GRM1: variants seen among roughly 807,000 people sequenced by gnomAD.
GRM1 encodes metabotropic glutamate receptor 1.
Under a neutral mutation model 90.9 loss-of-function variants are expected in GRM1, and 33 were observed. That is an observed-to-expected ratio of 0.36 (90% confidence interval 0.28 to 0.49). The LOEUF is 0.49. Among genes scored for constraint, GRM1 ranks in the 20% least tolerant of loss-of-function variants. The probability of loss-of-function intolerance (pLI) is 0.99; values close to 1 mark genes in which losing one functional copy is unlikely to be tolerated. For synonymous variants in GRM1, 700 were observed against 613.2 expected (o/e 1.14, Z -2.09); for missense variants, 1,190 against 1,534.3 (o/e 0.78, Z 3.75).
chr6:146,363,139 T>C (rs1463223368), intron 5 of GRM1, among the ~76,000 whole-genome samples: 1 of 152,172 alleles, frequency 6.6e-6, no homozygotes, highest in Non-Finnish European at 1.5e-5. Context: ...AATATCCTTC[T>C]TTAAAAAAAT....
chr6:146,237,209 G>A (rs912667197), intron 2 of GRM1, among the ~76,000 whole-genome samples: 1 of 151,964 alleles, frequency 6.6e-6, no homozygotes, highest in African/African-American at 2.4e-5. Flanking sequence ...ACTTAAAGGG[G>A]AAAGTTACAC....
chr6:146,329,256 C>G (rs1031302629), intron 3 of GRM1, among the ~76,000 whole-genome samples: 1 of 152,184 alleles, frequency 6.6e-6, no homozygotes, highest in East Asian at 1.9e-4. Flanking sequence ...TTGAGCATCC[C>G]TCAGAAGTTC....
chr6:146,382,273 A>G (rs1182488619), intron 5 of GRM1, among the ~76,000 whole-genome samples: 2 of 119,216 alleles, frequency 1.7e-5, no homozygotes, highest in Non-Finnish European at 3.6e-5. Flanking sequence ...TAAATTTGTC[A>G]CTTTGGGGGA....
intron 3 of GRM1, among the ~76,000 whole-genome samples, chr6:146,339,016 GT>G (rs1784875652): frequency 6.6e-6 from 1 of 152,146 alleles, no homozygotes; most frequent in African/African-American, 2.4e-5. Context: ...GACCCACAAA[GT>G]TTGACTGTAT....
In GRM1 at chr6:146,221,582, A is replaced by G. The variant is rs189583769; in HGVS notation, c.950+61985A>G. On this transcript the variant is annotated intron_variant, in intron 2 of 7. Coordinates refer to ENST00000282753, the MANE Select transcript of GRM1 (RefSeq NM_001278064.2). ...GGTGTATATGTACCACATTTTCTTT[A>G]TTCAGTCTATCATTGATGGGCATTT... is the stretch of plus-strand genomic sequence containing the variant. Among the ~76,000 whole-genome samples the G allele has an allele frequency of 1.8e-3, 274 of 152,162 alleles. 2 individuals carry two copies. Among genetic ancestry groups the G allele is most frequent in the African/African-American group, 6.0e-3 (251 of 41,516 alleles).
intron 2 of GRM1, among the ~76,000 whole-genome samples, chr6:146,180,752 A>C (rs1185742216): frequency 6.6e-6 from 1 of 151,892 alleles, no homozygotes; most frequent in South Asian, 2.1e-4. Flanking sequence ...CTCATGGTTT[A>C]CTCTTTCCAA....
intron 2 of GRM1, among the ~76,000 whole-genome samples, chr6:146,183,523 G>A (rs186640085): frequency 1.3e-5 from 2 of 152,214 alleles, no homozygotes; most frequent in East Asian, 3.9e-4. Flanking sequence ...AAGTAAAAAT[G>A]GTAGTTACTA....
At chr6:146,047,568 G>T (rs1476183561) in intron 1 of GRM1, among the ~76,000 whole-genome samples, 3 of 63,586 alleles carry the variant, frequency 4.7e-5, no homozygotes, top group Non-Finnish European at 9.0e-5. Context: ...TAGGTCACAT[G>T]CCTCAGGAAA....
At chr6:146,201,543 C>T (rs1779297263) in intron 2 of GRM1, among the ~76,000 whole-genome samples, 1 of 152,140 alleles carries the variant, frequency 6.6e-6, no homozygotes. Flanking sequence ...GATCATCTCT[C>T]TCATATCTCT....
intron 1 of GRM1, among the ~76,000 whole-genome samples, chr6:146,139,966 CCTTCCCTCCG>C (rs1223485980): frequency 0.088 from 9,452 of 106,900 alleles, 950 homozygotes; most frequent in African/African-American, 0.22. Flanking sequence ...CCTTCCCTTC[CCTTCCCTCCG>C]CTTCCCTCCG....
At chr6:146,374,549 G>A (rs947548598) in intron 5 of GRM1, among the ~76,000 whole-genome samples, 11 of 152,008 alleles carry the variant, frequency 7.2e-5, no homozygotes, top group African/African-American at 2.2e-4. Flanking sequence ...CTTGTTACTT[G>A]TTATTGTTCT....
intron 1 of GRM1, among the ~76,000 whole-genome samples, chr6:146,099,977 T>A (rs1317587073): frequency 6.6e-6 from 1 of 152,210 alleles, no homozygotes; most frequent in African/African-American, 2.4e-5. Context: ...AAATTTATAT[T>A]TCTACCAGCA....
chr6:146,129,982 A>G (rs1276243216), intron 1 of GRM1, among the ~76,000 whole-genome samples: 1 of 152,076 alleles, frequency 6.6e-6, no homozygotes, highest in Non-Finnish European at 1.5e-5. Flanking sequence ...TGGTGGTCAG[A>G]CTATAAAATT....
chr6:146,132,805 C>T (rs1776460771), intron 1 of GRM1, among the ~76,000 whole-genome samples: 1 of 152,230 alleles, frequency 6.6e-6, no homozygotes, highest in Non-Finnish European at 1.5e-5. Flanking sequence ...ACCCTGTACA[C>T]AGCTACAATC....
At chr6:146,433,378 C>T (rs1778480548) in intron 7 of GRM1, among the ~76,000 whole-genome samples, 1 of 152,180 alleles carries the variant, frequency 6.6e-6, no homozygotes, top group Admixed American at 6.5e-5. Context: ...CTGAGAGGAT[C>T]TATTTTATAA....
intron 6 of GRM1, among the ~76,000 whole-genome samples, chr6:146,395,487 A>G (rs1776894159): frequency 6.6e-6 from 1 of 152,132 alleles, no homozygotes; most frequent in Non-Finnish European, 1.5e-5. Flanking sequence ...TAAATGTTAC[A>G]CCACTGGGTT....
Position 146,434,500 on chromosome 6 carries a change from G to T in GRM1, c.3289G>T (p.Asp1097Tyr), listed in dbSNP as rs1778529200. 6.2e-7 allele frequency: 1 copy of T among 1,614,112 alleles called. No individual in the cohort carries two copies. Among genetic ancestry groups the T allele is most frequent in the South Asian group, 1.1e-5 (1 of 91,084 alleles). Residue 1097 changes from aspartate to tyrosine, a missense_variant, in exon 8 of 8, where the codon GAC (aspartate) becomes TAC (tyrosine). Asp to Tyr is a radical substitution (Grantham distance 160, BLOSUM62 -3). This residue lies in a region of GRM1 where 400 missense variants were observed against 360.8 expected (regional missense o/e 1.11). Coordinates refer to ENST00000282753, the MANE Select transcript of GRM1 (RefSeq NM_001278064.2). ...EELVSPPADD[D>Y]DDSERFKLLQ... The stretch of plus-strand genomic sequence containing the variant: ...GCTGGTCTCCCCGCCCGCGGACGAC[G>T]ACGACGACAGCGAGAGGTTTAAGCT...
chr6:146,140,380 T>C (rs1156682201), intron 1 of GRM1, among the ~76,000 whole-genome samples: 1 of 152,062 alleles, frequency 6.6e-6, no homozygotes, highest in Non-Finnish European at 1.5e-5. Flanking sequence ...GTGATTCTTG[T>C]GCCTTAACCA....
chr6:146,066,541 G>A (rs528724664), intron 1 of GRM1, among the ~76,000 whole-genome samples: 5 of 152,132 alleles, frequency 3.3e-5, no homozygotes, highest in South Asian at 2.1e-4. Context: ...CTTTTTGGTC[G>A]AACAGTTTAT....
Sources: gnomAD v4.1 joint callset for allele counts (sites outside exome capture counted in the v4.1 genomes callset) on GRCh38, gnomAD v4.1.1 for gene constraint, gnomAD v4.1.1 regional missense constraint, MANE v1.5 for transcripts, NCBI Gene and HGNC (gene_info 2026-07-23, HGNC 2026-07-21) for gene names.